The following ANKRD13B variants were observed in gnomAD, a reference collection of about 807,000 sequenced individuals.
The protein encoded by ANKRD13B is ankyrin repeat domain-containing protein 13B.
ANKRD13B carries 33 observed loss-of-function variants against 74.4 expected under a neutral mutation model. The ratio of observed to expected loss-of-function variants is 0.44; its 90% CI spans 0.34 to 0.59. The LOEUF (loss-of-function observed/expected upper bound fraction) is 0.59. ANKRD13B is among the 20% of genes least tolerant of loss of function. ANKRD13B has a pLI of 0.02. For missense variants in ANKRD13B, 676 were observed against 877.9 expected (o/e 0.77, Z 2.91); for synonymous variants, 341 against 362.9 (o/e 0.94, Z 0.68).
chr17:29,607,855 G>A lies in ANKRD13B; in HGVS notation c.228G>A (p.Arg76=). The change falls in exon 2 of 15, where the codon AGG becomes AGA. Residue 76 remains arginine (R), a synonymous_variant. Coordinates refer to ENST00000394859, the MANE Select transcript of ANKRD13B (RefSeq NM_152345.5). ...TGGCGCACGGCGCAGACGTGGGCAG[G>A]GAGAATCGCAGCGGCTGGACAGGTG... ...VLLAHGADVG[R]ENRSGWTVLQ... is the part of the protein sequence containing the mutation. 6.2e-7 allele frequency: 1 copy of A among 1,602,500 alleles called. No individual in the cohort carries two copies. The highest frequency in any genetic ancestry group is 1.1e-5 in the South Asian group (1 of 90,808).
At position 29,611,882 on chromosome 17, in the gene ANKRD13B, A is replaced by T; in HGVS notation, c.976A>T (p.Ile326Phe). Residue 326 changes from isoleucine to phenylalanine, a missense_variant, in exon 10 of 15, where the codon ATC (isoleucine) becomes TTC (phenylalanine). By Grantham distance (21) the Ile-to-Phe change is conservative. This residue lies in a region of ANKRD13B where 328 missense variants were observed against 518.4 expected (regional missense o/e 0.63). Transcript: ENST00000394859. This position sits in a 1 kb window ranked among gnomAD's most constrained non-coding sequence, Gnocchi z 4.3. ...QHGGPQNGTL[I>F]TQTLSQANPT... ...CCCTCCCCATGTGGTACAGACCCTG[A>T]TCACTCAGACTCTGAGCCAAGCCAA... 6.2e-7 allele frequency: 1 copy of T among 1,609,812 alleles called. No individual in the cohort carries two copies. Among genetic ancestry groups the T allele is most frequent in the South Asian group, 1.1e-5 (1 of 90,470 alleles).
At position 29,608,251 on chromosome 17, in the gene ANKRD13B, T is replaced by C; in HGVS notation, c.421+11T>C. The C allele has an allele frequency of 2.5e-6, 4 of 1,614,132 alleles. No individual in the cohort carries two copies. The highest frequency in any genetic ancestry group is 3.4e-6 in the Non-Finnish European group (4 of 1,180,004). ...AGTTCACTAGCTGGGGTAAGCGGGC[T>C]GCAGCAGGTCGCTTCTGGGCTCTCC... is the stretch of plus-strand genomic sequence containing the variant. On this transcript the variant is annotated intron_variant, in intron 4 of 14. Transcript: ENST00000394859. This position sits in a 1 kb window ranked among gnomAD's most constrained non-coding sequence, Gnocchi z 6.4.
intron 1 of ANKRD13B, among the ~76,000 whole-genome samples, chr17:29,598,082 G>GCTGCC: frequency 6.6e-6 from 1 of 152,010 alleles, no homozygotes; most frequent in East Asian, 1.9e-4. Flanking sequence ...TCCCACTCCC[G>GCTGCC]CTGCCGGGCT....
Position 29,612,910 on chromosome 17 carries a change from C to T in ANKRD13B, c.1599C>T (p.Thr533=). The T allele has an allele frequency of 6.3e-7, 1 of 1,598,610 alleles. No individual in the cohort carries two copies. The highest frequency in any genetic ancestry group is 8.5e-7 in the Non-Finnish European group (1 of 1,179,728). The part of the protein sequence containing the change: ...YDQVTIWEAL[T]NSKPGTHPMS... ...AGGTCACCATCTGGGAGGCGCTAAC[C>T]AACAGCAAGCCAGGCACCCACCCCA... The change falls in exon 14 of 15, where the codon ACC becomes ACT. Residue 533 remains threonine (T), a synonymous_variant. Coordinates refer to ENST00000394859, the MANE Select transcript of ANKRD13B (RefSeq NM_152345.5). The surrounding 1 kb of genome is among the most constrained non-coding windows in gnomAD (Gnocchi z 6.1).
chr17:29,600,060 T>C (rs1312586315), intron 1 of ANKRD13B, among the ~76,000 whole-genome samples: 1 of 151,994 alleles, frequency 6.6e-6, no homozygotes, highest in East Asian at 1.9e-4. Flanking sequence ...GTATTTTTAG[T>C]AGAGACGGGG....
intron 7 of ANKRD13B, among the ~76,000 whole-genome samples, chr17:29,610,033 A>G (rs2034524921): frequency 6.6e-6 from 1 of 152,100 alleles, no homozygotes; most frequent in Non-Finnish European, 1.5e-5. Flanking sequence ...TCTACTAACA[A>G]TACAAAAAAT....
At chr17:29,607,381 C>G (rs562884665) in intron 1 of ANKRD13B, among the ~76,000 whole-genome samples, 1 of 152,352 alleles carries the variant, frequency 6.6e-6, no homozygotes, top group South Asian at 2.1e-4. Context: ...CCAACAGCCT[C>G]TTTGCCACCC....
At position 29,611,268 on chromosome 17, in the gene ANKRD13B, C is replaced by T. The variant is rs1321817114; in HGVS notation, c.905-311C>T. Among the ~76,000 whole-genome samples the T allele has an allele frequency of 2.0e-5, 3 of 152,214 alleles. No homozygotes were observed. Among genetic ancestry groups the T allele is most frequent in the African/African-American group, 7.2e-5 (3 of 41,442 alleles). On this transcript the variant is annotated intron_variant, in intron 8 of 14. Coordinates refer to ENST00000394859, the MANE Select transcript of ANKRD13B (RefSeq NM_152345.5). The surrounding 1 kb of genome is among the most constrained non-coding windows in gnomAD (Gnocchi z 4.3). ...CAAACACACACACGCACATGCACAC[C>T]CCACAGTGCCTGCCGGGGCAGGCGT...
In ANKRD13B at chr17:29,612,869, G is replaced by A. The variant is rs1281510036; in HGVS notation, c.1576-18G>A. 4 of 1,599,744 alleles carry A rather than the reference G, an allele frequency of 2.5e-6. No individual in the cohort carries two copies. The highest frequency in any genetic ancestry group is 1.1e-5 in the South Asian group (1 of 90,934). On this transcript the variant is annotated intron_variant, in intron 13 of 14. Coordinates refer to ENST00000394859, the MANE Select transcript of ANKRD13B (RefSeq NM_152345.5). The surrounding 1 kb of genome is among the most constrained non-coding windows in gnomAD (Gnocchi z 6.1). ...GGGACTCCGCGCCGCCACGGCTAAC[G>A]CCCACGCCTCCCCGCAGGTCACCAT... is the stretch of plus-strand genomic sequence containing the variant.
chr17:29,605,405 T>G (rs907723281), intron 1 of ANKRD13B, among the ~76,000 whole-genome samples: 2 of 144,550 alleles, frequency 1.4e-5, no homozygotes, highest in African/African-American at 2.5e-5. Context: ...TATATATATA[T>G]ACACACACAA....
rs767679107 is a variant in ANKRD13B, at chr17:29,610,728, C to A, written c.866C>A (p.Thr289Lys). Residue 289 changes from threonine (T) to lysine (K), a missense_variant, in exon 8 of 15, where the codon ACA becomes AAA. By Grantham distance (78) the Thr-to-Lys change is moderately conservative (BLOSUM62 -1). Coordinates refer to ENST00000394859, the MANE Select transcript of ANKRD13B (RefSeq NM_152345.5). ...SNVELITRTR[T>K]EHLSEQHKGK... is the part of the protein sequence containing the mutation. ...GTGGAGCTCATCACCCGCACACGGA[C>A]AGAACATCTTTCAGAACAGCACAAG... The A allele has an allele frequency of 8.7e-6, 14 of 1,614,000 alleles. No homozygotes were observed. The highest frequency in any genetic ancestry group is 1.2e-5 in the Non-Finnish European group (14 of 1,179,952).
chr17:29,596,298 A>G (rs1294890989), intron 1 of ANKRD13B, among the ~76,000 whole-genome samples: 1 of 152,230 alleles, frequency 6.6e-6, no homozygotes, highest in Admixed American at 6.5e-5. Flanking sequence ...TGATGGGCAG[A>G]TAGGAGGTGC....
At chr17:29,604,537 C>CT (rs1389427569) in intron 1 of ANKRD13B, among the ~76,000 whole-genome samples, 1 of 144,742 alleles carries the variant, frequency 6.9e-6, no homozygotes, top group African/African-American at 2.6e-5. Context: ...TTTTCTTTTT[C>CT]TTTTCTTTTC....
At position 29,593,535 on chromosome 17, in the gene ANKRD13B, C is replaced by A. The variant is rs894934633; in HGVS notation, c.-87C>A. ...CAGCCCCGCGAGCAGGCAGCGCCGG[C>A]CCCCCGCCCCGCGGCCCCGGGCCCC... On this transcript the variant is annotated 5_prime_UTR_variant, in exon 1 of 15. Coordinates refer to ENST00000394859, the MANE Select transcript of ANKRD13B (RefSeq NM_152345.5). 3 of 472,020 alleles carry A rather than the reference C, an allele frequency of 6.4e-6. No homozygotes were observed. The Admixed American group carries it at 2.0e-4, about 31-fold the overall frequency. The allele number at this position is 472,020 out of a possible 1,614,324, so 29.2% of individuals were successfully genotyped here. A position where few individuals can be genotyped will look rare whatever the true frequency, so the allele number is the denominator to read the frequency against.
chr17:29,606,899 A>G (rs1473227969), intron 1 of ANKRD13B, among the ~76,000 whole-genome samples: 1 of 151,874 alleles, frequency 6.6e-6, no homozygotes, highest in African/African-American at 2.4e-5. Context: ...AAATACAAAA[A>G]ATTAGCCAGA....
In ANKRD13B at chr17:29,612,973, C is replaced by T. The variant is rs1323431021; in HGVS notation, c.1652+10C>T. The T allele has an allele frequency of 6.3e-7, 1 of 1,595,212 alleles. No homozygotes were observed. The highest frequency in any genetic ancestry group is 1.3e-5 in the African/African-American group (1 of 74,942). ...GTCGCCGACAGGACAGGTCAGTGCC[C>T]GCTGGGCCGGAGAGAATCCTCCGGA... On this transcript the variant is annotated intron_variant, in intron 14 of 14. Coordinates refer to ENST00000394859, the MANE Select transcript of ANKRD13B (RefSeq NM_152345.5). The surrounding 1 kb of genome is among the most constrained non-coding windows in gnomAD (Gnocchi z 6.1).
At chr17:29,604,841 C>T (rs1209235022) in intron 1 of ANKRD13B, among the ~76,000 whole-genome samples, 1 of 152,232 alleles carries the variant, frequency 6.6e-6, no homozygotes, top group South Asian at 2.1e-4. Context: ...CTGCACCCGG[C>T]CTGAGGCTAA....
chr17:29,608,717 G>A lies in ANKRD13B; in HGVS notation c.422-134G>A, dbSNP rs1376095170. ...CTACACTGGCCAGGGAGGGGGTTTT[G>A]GAGGAGAGGCTGCTCTCTCTTCAGT... On this transcript the variant is annotated intron_variant, in intron 4 of 14. Transcript: ENST00000394859. This position sits in a 1 kb window ranked among gnomAD's most constrained non-coding sequence, Gnocchi z 6.4. 1 of 1,265,966 alleles carries A rather than the reference G, an allele frequency of 7.9e-7. No homozygotes were observed. Among genetic ancestry groups the A allele is most frequent in the Non-Finnish European group, 1.1e-6 (1 of 925,960 alleles). The allele number at this position is 1,265,966 out of a possible 1,614,324, so 78.4% of individuals were successfully genotyped here. A position where few individuals can be genotyped will look rare whatever the true frequency, so the allele number is the denominator to read the frequency against.
At chr17:29,594,201 G>C (rs1459572017) in intron 1 of ANKRD13B, 1 of 152,438 alleles carries the variant, frequency 6.6e-6, no homozygotes, top group Admixed American at 6.5e-5. Context: ...AACGGTGAGC[G>C]CTTTCTCTTT....
Sources: gnomAD v4.1 joint callset for allele counts (sites outside exome capture counted in the v4.1 genomes callset) on GRCh38, gnomAD v4.1.1 for gene constraint, gnomAD v4.1.1 regional missense constraint, Gnocchi (gnomAD v3.1) non-coding constraint, MANE v1.5 for transcripts, NCBI Gene and HGNC (gene_info 2026-07-23, HGNC 2026-07-21) for gene names.